The following SFSWAP variants were observed in gnomAD, a reference collection of about 807,000 sequenced individuals.
SFSWAP encodes the protein splicing factor SWAP, also known as splicing factor, suppressor of white-apricot homolog.
SFSWAP carries 17 observed loss-of-function variants against 100.7 expected under a neutral mutation model. The ratio of observed to expected loss-of-function variants is 0.17; its 90% confidence interval spans 0.12 to 0.25. The LOEUF (loss-of-function observed/expected upper bound fraction) is 0.25, where lower values mean the gene tolerates loss of function less well. Among genes scored for constraint, SFSWAP ranks in the 10% least tolerant of loss-of-function variants. The probability of loss-of-function intolerance (pLI) is 1.00; values close to 1 mark genes in which losing one functional copy is unlikely to be tolerated. For synonymous variants in SFSWAP, 504 were observed against 510.1 expected, an observed-to-expected ratio of 0.99 and a Z score of 0.16; for missense variants, 1,005 against 1,262.6, an observed-to-expected ratio of 0.80 and a Z score of 3.09.
At chr12:131,782,820 T>C (rs765079354) in intron 14 of SFSWAP, among the ~76,000 whole-genome samples, 1 of 152,186 alleles carries the variant, frequency 6.6e-6, no homozygotes, top group Non-Finnish European at 1.5e-5. Context: ...TCTTTAGTTT[T>C]GGAAAATCAC....
intron 7 of SFSWAP, among the ~76,000 whole-genome samples, chr12:131,748,277 C>T (rs1881320228): frequency 6.7e-6 from 1 of 149,736 alleles, no homozygotes; most frequent in South Asian, 2.1e-4. Flanking sequence ...GCCTCCACCT[C>T]CCGGGTTCAA....
At chr12:131,732,733 T>C (rs1879629013) in intron 7 of SFSWAP, among the ~76,000 whole-genome samples, 1 of 152,206 alleles carries the variant, frequency 6.6e-6, no homozygotes, top group South Asian at 2.1e-4. Context: ...ATAGCTTTGT[T>C]TCTTAAACAG....
chr12:131,725,586 G>C lies in SFSWAP; in HGVS notation c.788G>C (p.Gly263Ala). The C allele has an allele frequency of 1.9e-6, 3 of 1,614,148 alleles. No individual in the cohort carries two copies. The South Asian group carries it at 3.3e-5, about 18-fold the overall frequency. ...YKFIQKAMKE[G>A]RYTVLAENKS... ...TTCATCCAGAAAGCCATGAAAGAGG[G>C]ACGCTACACTGTCCTGGCAGAAAAC... The change falls in exon 5 of 18, where the codon GGA (glycine) becomes GCA (alanine). Residue 263 changes from glycine to alanine, a missense_variant. This residue lies in a region of SFSWAP where 54 missense variants were observed against 51.9 expected (regional missense o/e 1.04). Coordinates refer to ENST00000261674, the MANE Select transcript of SFSWAP (RefSeq NM_004592.4). The surrounding 1 kb of genome is among the most constrained non-coding windows in gnomAD (Gnocchi z 4.3).
chr12:131,776,564 T>G (rs551270891), intron 13 of SFSWAP, among the ~76,000 whole-genome samples: 3 of 152,222 alleles, frequency 2.0e-5, no homozygotes, highest in Admixed American at 2.0e-4. Context: ...CCGCAGCCAG[T>G]TGGCCTTGCC....
intron 14 of SFSWAP, among the ~76,000 whole-genome samples, chr12:131,779,203 A>T (rs10794427): frequency 1.1e-4 from 2 of 18,946 alleles, no homozygotes; most frequent in East Asian, 3.4e-3. Context: ...GGCAGCGCGG[A>T]TGAGTGTGTG....
intron 15 of SFSWAP, among the ~76,000 whole-genome samples, chr12:131,790,418 A>G (rs1885163075): frequency 6.6e-6 from 1 of 152,228 alleles, no homozygotes; most frequent in Non-Finnish European, 1.5e-5. Flanking sequence ...CCAGATGTGG[A>G]CGTATGAGGA....
In SFSWAP at chr12:131,799,512, C is replaced by T. The variant is rs199742900; in HGVS notation, c.*24C>T. 71 of 1,609,902 alleles carry T rather than the reference C, an allele frequency of 4.4e-5. 1 individual carries two copies. The highest frequency in any genetic ancestry group is 4.4e-4 in the African/African-American group (33 of 74,902). On this transcript the variant is annotated 3_prime_UTR_variant, in exon 18 of 18. Coordinates refer to ENST00000261674, the MANE Select transcript of SFSWAP (RefSeq NM_004592.4). ...GAGACGGGGCCAGCGGAGGCAGAGC[C>T]GGGAGGCTGCGTGGGCTTCTGGGCA...
intron 13 of SFSWAP, among the ~76,000 whole-genome samples, chr12:131,769,775 C>T (rs543967657): frequency 2.0e-5 from 3 of 152,100 alleles, no homozygotes; most frequent in Admixed American, 1.3e-4. Context: ...TACAGGCACC[C>T]GCCACCACGC....
chr12:131,766,011 A>G (rs1883088261), intron 12 of SFSWAP, 107 bp from the exon 13 acceptor site: 1 of 1,124,784 alleles, frequency 8.9e-7, no homozygotes, highest in African/African-American at 1.6e-5. Context: ...CTATTCAGAA[A>G]CTTTAACTAA....
chr12:131,746,033 A>G (rs568726641), intron 7 of SFSWAP, among the ~76,000 whole-genome samples: 7 of 152,320 alleles, frequency 4.6e-5, no homozygotes, highest in African/African-American at 1.7e-4. Flanking sequence ...GGTCTGGGAA[A>G]TTTGCTACAT....
At chr12:131,771,701 TG>T (rs1168437291) in intron 13 of SFSWAP, among the ~76,000 whole-genome samples, 29 of 141,572 alleles carry the variant, frequency 2.0e-4, no homozygotes, top group African/African-American at 6.7e-4. Context: ...GTCTCCAGGC[TG>T]GAGTGCAGTA....
rs1273822875 is a variant in SFSWAP at position 131,797,312 on chromosome 12, C to A, written c.2669C>A (p.Ala890Asp). ...CCCGCGGCCCACTCGGCGCACTCAG[C>A]CAGCGTCTCCCCTGTGGAGAGTCGG... ...AAPAAHSAHS[A>D]SVSPVESRGS... The change falls in exon 16 of 18, where the codon GCC becomes GAC. Residue 890 changes from alanine to aspartate, a missense_variant. Coordinates refer to ENST00000261674, the MANE Select transcript of SFSWAP (RefSeq NM_004592.4). 2 of 1,611,218 alleles carry A rather than the reference C, an allele frequency of 1.2e-6. No individual in the cohort carries two copies. Among genetic ancestry groups the A allele is most frequent in the African/African-American group, 2.7e-5 (2 of 74,886 alleles).
At chr12:131,798,285 CAG>C (rs927882598) in intron 16 of SFSWAP, among the ~76,000 whole-genome samples, 2 of 152,136 alleles carry the variant, frequency 1.3e-5, no homozygotes, top group Admixed American at 1.3e-4. Context: ...GCCTGGGTGA[CAG>C]AGAGAGACCC....
At chr12:131,765,996 T>C (rs1883087007) in intron 12 of SFSWAP, 122 bp from the exon 13 acceptor site, 9 of 915,926 alleles carry the variant, frequency 9.8e-6, no homozygotes, top group Non-Finnish European at 1.5e-5. Flanking sequence ...GTCCAATGTA[T>C]GTACCTATTC....
In SFSWAP at chr12:131,790,219, A is replaced by G. The variant is rs141963530; in HGVS notation, c.2534+3631A>G. Among the ~76,000 whole-genome samples, 35 of 152,242 alleles carry G rather than the reference A, an allele frequency of 2.3e-4. No individual in the cohort carries two copies. The East Asian group carries it at 5.4e-3, about 23-fold the overall frequency. ...TATTATTATTCTATTAGATGGTGACATTGTCTCCAGTTTGGCCAGTGGCAA... is the reference window on the plus strand; with the variant it reads ...TATTATTATTCTATTAGATGGTGACGTTGTCTCCAGTTTGGCCAGTGGCAA... On this transcript the variant is annotated intron_variant, in intron 15 of 17. Transcript: ENST00000261674.
intron 14 of SFSWAP, among the ~76,000 whole-genome samples, chr12:131,779,208 T>TGTGTGTGAAGAGGGCGGCGCGGGTGAGC (rs1566051442): frequency 0.017 from 1,047 of 63,356 alleles, 85 homozygotes; most frequent in Non-Finnish European, 0.018. Flanking sequence ...CGCGGATGAG[T>TGTGTGTGAAGAGGGCGGCGCGGGTGAGC]GTGTGTGAAG....
intron 4 of SFSWAP, among the ~76,000 whole-genome samples, chr12:131,724,026 T>TCC (rs1878727056): frequency 6.6e-6 from 1 of 152,332 alleles, no homozygotes; most frequent in East Asian, 1.9e-4. Context: ...GTCTGCCTAA[T>TCC]AAAGTAAAGA....
chr12:131,799,077 A>G lies in SFSWAP; in HGVS notation c.2758A>G (p.Ile920Val). The part of the protein sequence containing the change: ...QEKEAQISSA[I>V]VSSVQSKITQ... ...AAAAGAAGCCCAGATCTCTTCAGCA[A>G]TCGTTTCTTCCGTGCAGAGCAAAAT... The change falls in exon 17 of 18, where the codon ATC becomes GTC. Residue 920 changes from isoleucine (I) to valine (V), a missense_variant. This residue lies in a region of SFSWAP where 295 missense variants were observed against 347.9 expected (regional missense o/e 0.85). Coordinates refer to ENST00000261674, the MANE Select transcript of SFSWAP (RefSeq NM_004592.4). 1 of 1,614,062 alleles carries G rather than the reference A, an allele frequency of 6.2e-7. No individual in the cohort carries two copies. The highest frequency in any genetic ancestry group is 8.5e-7 in the Non-Finnish European group (1 of 1,179,966).
chr12:131,778,708 G>T lies in SFSWAP; in HGVS notation c.2408+378G>T, dbSNP rs1884224388. On this transcript the variant is annotated intron_variant, in intron 14 of 17. Coordinates refer to ENST00000261674, the MANE Select transcript of SFSWAP (RefSeq NM_004592.4). This position sits in a 1 kb window ranked among gnomAD's most constrained non-coding sequence, Gnocchi z 4.2. Reference sequence around the variant, plus strand: ...AATTTTTGTATTTTTAGTAGAGACGGGGTTTCACCGTGTCGGCCAGGCTGG... The same window carrying T: ...AATTTTTGTATTTTTAGTAGAGACGTGGTTTCACCGTGTCGGCCAGGCTGG... Among the ~76,000 whole-genome samples, 1 of 152,042 alleles carries T rather than the reference G, an allele frequency of 6.6e-6. No individual in the cohort carries two copies. Among genetic ancestry groups the T allele is most frequent in the Admixed American group, 6.5e-5 (1 of 15,280 alleles).
Sources: allele counts gnomAD v4.1 joint callset (sites outside exome capture counted in the v4.1 genomes callset), GRCh38; gene constraint gnomAD v4.1.1; regional missense constraint gnomAD v4.1.1; non-coding constraint Gnocchi (gnomAD v3.1); transcripts MANE v1.5; gene names NCBI Gene and HGNC (gene_info 2026-07-23, HGNC 2026-07-21).